ADGRE2: variants seen among roughly 807,000 people sequenced by gnomAD.
The protein encoded by ADGRE2 is adhesion G protein-coupled receptor E2.
In ADGRE2, 83 loss-of-function variants were observed where a neutral mutation model predicts 100.8. The observed-to-expected ratio is 0.82, with a 90% CI of 0.69 to 0.99. ADGRE2 has a LOEUF of 0.99. ADGRE2 is among the 50% of genes least tolerant of loss of function. The pLI, the probability that ADGRE2 is intolerant of heterozygous loss-of-function variation, is 0.00. For synonymous variants in ADGRE2, 355 were observed against 413.0 expected, an observed-to-expected ratio of 0.86 and a Z score of 1.70; for missense variants, 814 against 1,035.7, an observed-to-expected ratio of 0.79 and a Z score of 2.94.
In ADGRE2 at chr19:14,774,317, G is replaced by T; in HGVS notation, c.32-11C>A. The T allele has an allele frequency of 6.4e-7, 1 of 1,553,614 alleles. No individual in the cohort carries two copies. Among genetic ancestry groups the T allele is most frequent in the Non-Finnish European group, 8.8e-7 (1 of 1,142,828 alleles). On this transcript the variant is annotated splice_polypyrimidine_tract_variant and intron_variant, in intron 2 of 20. Transcript: ENST00000315576. ...GCCAGACACAGAATGCTGCAACAGA[G>T]AAAGGAAAGGGGGTCAGAGGGGATC...
chr19:14,751,927 ATATATTTTT>A (rs1440556144), intron 15 of ADGRE2, among the ~76,000 whole-genome samples: 2 of 76,282 alleles, frequency 2.6e-5, no homozygotes, highest in African/African-American at 1.5e-4. Flanking sequence ...ATATATATAT[ATATATTTTT>A]TTTTTTTTTT....
At chr19:14,764,055 C>T (rs1177632207) in intron 11 of ADGRE2, among the ~76,000 whole-genome samples, 1 of 151,402 alleles carries the variant, frequency 6.6e-6, no homozygotes, top group African/African-American at 2.4e-5. Flanking sequence ...CTTCTTCCTC[C>T]TCCTCCTCTT....
chr19:14,765,287 GC>G, intron 10 of ADGRE2, 32 bp downstream of exon 10: 1 of 1,612,884 alleles, frequency 6.2e-7, no homozygotes, highest in African/African-American at 1.3e-5. Context: ...CCACCTTCCT[GC>G]CTCGCCCCCT....
At chr19:14,777,599 C>T (rs1384002507) in intron 1 of ADGRE2, among the ~76,000 whole-genome samples, 2 of 152,106 alleles carry the variant, frequency 1.3e-5, no homozygotes, top group South Asian at 2.1e-4. Context: ...CACCTATCAA[C>T]TCGTCATTTA....
At chr19:14,740,362 T>C (rs1223915847) in intron 20 of ADGRE2, among the ~76,000 whole-genome samples, 1 of 151,468 alleles carries the variant, frequency 6.6e-6, no homozygotes, top group Non-Finnish European at 1.5e-5. Flanking sequence ...TGGCTCACGC[T>C]TGTAATCCTA....
chr19:14,775,969 C>T (rs1021212184), intron 2 of ADGRE2, among the ~76,000 whole-genome samples: 1 of 152,108 alleles, frequency 6.6e-6, no homozygotes, highest in Non-Finnish European at 1.5e-5. Context: ...CCGCCGCCAG[C>T]CCTGGCGGCC....
At chr19:14,764,633 C>G in intron 10 of ADGRE2, 23 bp from the exon 11 acceptor site, 8 of 1,597,342 alleles carry the variant, frequency 5.0e-6, no homozygotes, top group African/African-American at 1.3e-5. Flanking sequence ...GGACACAGAC[C>G]TAGTGAGCCA....
intron 4 of ADGRE2, among the ~76,000 whole-genome samples, chr19:14,773,111 G>A (rs868479167): frequency 0.014 from 1,306 of 95,500 alleles, 11 homozygotes; most frequent in South Asian, 0.026. Flanking sequence ...AAAAAAAAAA[G>A]AAAAAAGAAA....
At chr19:14,766,018 T>C in intron 7 of ADGRE2, 1 of 950,122 alleles carries the variant, frequency 1.1e-6, no homozygotes, top group Non-Finnish European at 1.6e-6. Flanking sequence ...TCCCAGTGAG[T>C]CATCAGCTGT....
At chr19:14,754,868 A>G (rs971015035) in intron 14 of ADGRE2, 86 bp downstream of exon 14, 11 of 1,428,068 alleles carry the variant, frequency 7.7e-6, no homozygotes, top group African/African-American at 1.5e-5. Context: ...GAGATAATGC[A>G]TATATTTTTT....
Position 14,743,778 on chromosome 19 carries a change from C to T in ADGRE2, c.2190G>A (p.Leu730=). 1 of 1,614,042 alleles carries T rather than the reference C, an allele frequency of 6.2e-7. No individual in the cohort carries two copies. The change falls in exon 19 of 21, where the codon CTG becomes CTA. Residue 730 remains leucine, a synonymous_variant. Coordinates refer to ENST00000315576, the MANE Select transcript of ADGRE2 (RefSeq NM_013447.4). ...ACAGCTGAGCTGTCGCTTTAAATGC[C>T]AGCATCCTGGATTGAGTAAGAAAGG... ...EVSTLRNTRM[L]AFKATAQLFI...
chr19:14,755,271 TAAAAAAAA>T, intron 13 of ADGRE2, 144 bp from the exon 14 acceptor site: 1 of 371,804 alleles, frequency 2.7e-6, no homozygotes, highest in South Asian at 3.0e-5. Flanking sequence ...CCATCTCTAC[TAAAAAAAA>T]AAAAAAAAAA....
chr19:14,743,845 CA>C, intron 18 of ADGRE2, 61 bp from the exon 19 acceptor site: 1 of 1,512,308 alleles, frequency 6.6e-7, no homozygotes, highest in Non-Finnish European at 9.1e-7. Flanking sequence ...AAGGCTATTT[CA>C]TCTGTGCCCA....
chr19:14,727,765 C>G (rs2042642979), downstream of ADGRE2, among the ~76,000 whole-genome samples: 1 of 151,978 alleles, frequency 6.6e-6, no homozygotes, highest in Non-Finnish European at 1.5e-5. Flanking sequence ...GTATCCTAAT[C>G]ATTTCCTTTA....
intron 11 of ADGRE2, among the ~76,000 whole-genome samples, chr19:14,763,817 T>C (rs1442963578): frequency 6.0e-4 from 19 of 31,854 alleles, no homozygotes; most frequent in South Asian, 2.3e-3. Context: ...ATTCCTCCTC[T>C]TCCTCCTCTC....
intron 3 of ADGRE2, 60 bp downstream of exon 3, chr19:14,774,196 T>C: frequency 1.3e-6 from 2 of 1,518,684 alleles, no homozygotes; most frequent in Admixed American, 3.5e-5. Flanking sequence ...TGGGCGGGGG[T>C]CCAGGACCCT....
At chr19:14,736,671 T>TATTTAGAAATATATAG (rs1568572680) in intron 20 of ADGRE2, among the ~76,000 whole-genome samples, 11 of 137,518 alleles carry the variant, frequency 8.0e-5, no homozygotes, top group East Asian at 6.0e-4. Flanking sequence ...TCTAAATATA[T>TATTTAGAAATATATAG]ATATTTAGAA....
Position 14,735,090 on chromosome 19 carries a change from C to G in ADGRE2, c.*1146G>C, listed in dbSNP as rs2072845125. On this transcript the variant is annotated 3_prime_UTR_variant, in exon 21 of 21. Transcript: ENST00000315576. ...CCGTGGAAGCTTCCAGCTTGCTTGTCTATGTCTGCAGCTCGATTTTACAGG... is the reference window on the plus strand; with the variant it reads ...CCGTGGAAGCTTCCAGCTTGCTTGTGTATGTCTGCAGCTCGATTTTACAGG... The G allele has an allele frequency of 6.6e-6, 1 of 152,170 alleles. No individual in the cohort carries two copies. Among genetic ancestry groups the G allele is most frequent in the Non-Finnish European group, 1.5e-5 (1 of 68,022 alleles). 9.4% of individuals were successfully genotyped at this position (152,170 alleles called of 1,614,324 possible).
downstream of ADGRE2, among the ~76,000 whole-genome samples, chr19:14,730,937 G>T (rs2147051375): frequency 6.6e-6 from 1 of 151,924 alleles, no homozygotes; most frequent in African/African-American, 2.4e-5. Context: ...ATTCACTTAG[G>T]ATGATGGTTC....
Sources: allele counts gnomAD v4.1 joint callset (sites outside exome capture counted in the v4.1 genomes callset), GRCh38; gene constraint gnomAD v4.1.1; transcripts MANE v1.5; gene names NCBI Gene and HGNC (gene_info 2026-07-23, HGNC 2026-07-21).